The following WWOX variants were observed in gnomAD, a reference collection of about 807,000 sequenced individuals.
WWOX encodes the protein WW domain-containing oxidoreductase.
In WWOX, 69 loss-of-function variants were observed where a neutral mutation model predicts 46.2. The observed-to-expected ratio is 1.49, with a 90% CI of 1.23 to 1.82. The LOEUF is 1.82. Ranked by LOEUF, WWOX falls within the 40% of genes most tolerant of loss-of-function variation. The pLI, the probability that WWOX is intolerant of heterozygous loss-of-function variation, is 0.00. For missense variants in WWOX, 919 were observed against 542.6 expected (o/e 1.69, Z -6.89); for synonymous variants, 359 against 202.6 (o/e 1.77, Z -6.56).
At chr16:78,100,011 G>A in intron 1 of WWOX, 126 bp downstream of exon 1, 1 of 1,477,678 alleles carries the variant, frequency 6.8e-7, no homozygotes, top group South Asian at 1.3e-5. Context: ...TAACTGTTAA[G>A]GAGCTTCAGG....
At chr16:78,603,656 T>G (rs769850495) in intron 8 of WWOX, among the ~76,000 whole-genome samples, 6 of 152,072 alleles carry the variant, frequency 3.9e-5, no homozygotes, top group Non-Finnish European at 8.8e-5. Flanking sequence ...ATTGTGCCAC[T>G]GCACTCCAAC....
chr16:78,947,101 GA>G (rs368991628), intron 8 of WWOX, among the ~76,000 whole-genome samples: 146 of 134,770 alleles, frequency 1.1e-3, no homozygotes, highest in Middle Eastern at 3.8e-3. Flanking sequence ...AATCCCTGTG[GA>G]AAAAAAAAAA....
chr16:78,180,342 G>A (rs1041013658), intron 5 of WWOX, among the ~76,000 whole-genome samples: 1 of 152,146 alleles, frequency 6.6e-6, no homozygotes, highest in Non-Finnish European at 1.5e-5. Flanking sequence ...GCACCTGAGA[G>A]TAGGGGGCAT....
chr16:79,137,697 C>T (rs77052279), intron 8 of WWOX, among the ~76,000 whole-genome samples: 1 of 152,022 alleles, frequency 6.6e-6, no homozygotes, highest in Non-Finnish European at 1.5e-5. Context: ...CCGTCTCCTT[C>T]CCCCGACCCT....
At chr16:78,529,894 C>G (rs1272177293) in intron 8 of WWOX, among the ~76,000 whole-genome samples, 2 of 152,204 alleles carry the variant, frequency 1.3e-5, no homozygotes, top group East Asian at 1.9e-4. Context: ...TAATGCTAAT[C>G]ATAAAGTTTT....
At chr16:78,943,117 C>T (rs1300263938) in intron 8 of WWOX, among the ~76,000 whole-genome samples, 1 of 152,112 alleles carries the variant, frequency 6.6e-6, no homozygotes, top group Non-Finnish European at 1.5e-5. Flanking sequence ...AGCTAGACAG[C>T]GAATCAAGGT....
chr16:78,775,394 G>C (rs771493838), intron 8 of WWOX, among the ~76,000 whole-genome samples: 1 of 152,044 alleles, frequency 6.6e-6, no homozygotes, highest in Non-Finnish European at 1.5e-5. Flanking sequence ...AGTAAAACAG[G>C]GCCTGACTTT....
intron 8 of WWOX, among the ~76,000 whole-genome samples, chr16:78,672,952 A>G (rs1311355671): frequency 1.3e-5 from 2 of 152,234 alleles, no homozygotes; most frequent in Admixed American, 6.5e-5. Context: ...TGTGCAATCC[A>G]TAAGAGGGCA....
intron 8 of WWOX, among the ~76,000 whole-genome samples, chr16:78,750,641 C>T (rs75317417): frequency 0.013 from 1,956 of 152,138 alleles, 118 homozygotes; most frequent in Admixed American, 0.1. Context: ...TTCTCCTTCC[C>T]TCCCTAGTCC....
intron 8 of WWOX, among the ~76,000 whole-genome samples, chr16:78,770,530 C>G (rs1321154224): frequency 6.6e-6 from 1 of 152,052 alleles, no homozygotes; most frequent in Non-Finnish European, 1.5e-5. Context: ...CACTGAAGCC[C>G]CCATAAAGGT....
At chr16:79,040,851 A>T (rs892234471) in intron 8 of WWOX, among the ~76,000 whole-genome samples, 1 of 151,972 alleles carries the variant, frequency 6.6e-6, no homozygotes, top group African/African-American at 2.4e-5. Flanking sequence ...TTTTCCGATC[A>T]CAGAAAGTAA....
intron 4 of WWOX, among the ~76,000 whole-genome samples, chr16:78,128,786 C>T (rs1305031096): frequency 6.6e-6 from 1 of 152,166 alleles, no homozygotes; most frequent in Non-Finnish European, 1.5e-5. Flanking sequence ...AATATAATGT[C>T]TTCCAACTGC....
intron 8 of WWOX, among the ~76,000 whole-genome samples, chr16:78,990,858 T>A (rs1334819377): frequency 6.6e-6 from 1 of 152,170 alleles, no homozygotes; most frequent in African/African-American, 2.4e-5. Context: ...ACTTGGCATT[T>A]TTTAAAAGGA....
At chr16:78,938,533 G>T (rs1382402688) in intron 8 of WWOX, among the ~76,000 whole-genome samples, 1 of 152,066 alleles carries the variant, frequency 6.6e-6, no homozygotes, top group Non-Finnish European at 1.5e-5. Context: ...TGTCCCGTCG[G>T]TATTAGCAAC....
At chr16:78,233,688 G>T (rs376126787) in intron 5 of WWOX, among the ~76,000 whole-genome samples, 3 of 151,932 alleles carry the variant, frequency 2.0e-5, no homozygotes, top group Admixed American at 1.3e-4. Context: ...CACTACACCT[G>T]GCTAATTTTT....
chr16:78,857,327 G>T (rs1042385697), intron 8 of WWOX, among the ~76,000 whole-genome samples: 1 of 152,160 alleles, frequency 6.6e-6, no homozygotes, highest in Non-Finnish European at 1.5e-5. Flanking sequence ...TTTTCACCAT[G>T]ACATTGGCAA....
rs567962406 is a variant in WWOX, at chr16:78,744,602, T to C, written c.1056+311850T>C. 9.5e-4 allele frequency among the ~76,000 whole-genome samples: 144 copies of C among 151,950 alleles called. 1 individual carries two copies. The highest frequency in any genetic ancestry group is 3.3e-3 in the African/African-American group (136 of 41,448). On this transcript the variant is annotated intron_variant, in intron 8 of 8. Transcript: ENST00000566780. ...ACCTGCCACCACACCTGGCTAATTTTTGTATTTTTAGTAGAGATGAGGTTT... is the reference window on the plus strand; with the variant it reads ...ACCTGCCACCACACCTGGCTAATTTCTGTATTTTTAGTAGAGATGAGGTTT...
At chr16:79,130,320 T>G (rs1223862350) in intron 8 of WWOX, among the ~76,000 whole-genome samples, 1 of 152,204 alleles carries the variant, frequency 6.6e-6, no homozygotes, top group East Asian at 1.9e-4. Context: ...TTGTTTTCAT[T>G]GGATAATTAA....
chr16:78,522,976 G>A (rs2043382025), intron 8 of WWOX, among the ~76,000 whole-genome samples: 1 of 152,204 alleles, frequency 6.6e-6, no homozygotes, highest in African/African-American at 2.4e-5. Flanking sequence ...GGAGGCTGAG[G>A]CAGGAGAATT....
Sources: gnomAD v4.1 joint callset for allele counts (sites outside exome capture counted in the v4.1 genomes callset) on GRCh38, gnomAD v4.1.1 for gene constraint, MANE v1.5 for transcripts, NCBI Gene and HGNC (gene_info 2026-07-23, HGNC 2026-07-21) for gene names.